AGPAT5: variants seen among roughly 807,000 people sequenced by gnomAD.
The protein encoded by AGPAT5 is 1-acylglycerol-3-phosphate O-acyltransferase 5, also known as 1-acyl-sn-glycerol-3-phosphate acyltransferase epsilon.
A neutral mutation model predicts 45.6 loss-of-function variants in AGPAT5; 46 were observed. The observed-to-expected ratio is 1.01, with a 90% confidence interval of 0.80 to 1.29. The LOEUF (loss-of-function observed/expected upper bound fraction) is 1.29, where lower values mean the gene tolerates loss of function less well. AGPAT5 is among the 50% of genes most tolerant of loss of function. AGPAT5 has a pLI of 0.00. For synonymous variants in AGPAT5, 272 were observed against 167.0 expected, an observed-to-expected ratio of 1.63 and a Z score of -4.85; for missense variants, 673 against 450.7, an observed-to-expected ratio of 1.49 and a Z score of -4.47.
intron 2 of AGPAT5, among the ~76,000 whole-genome samples, chr8:6,725,161 A>G (rs983416167): frequency 3.3e-5 from 5 of 152,232 alleles, no homozygotes; most frequent in Non-Finnish European, 1.5e-5. Flanking sequence ...GTTGGATGTA[A>G]GTAAGCTATC....
intron 1 of AGPAT5, among the ~76,000 whole-genome samples, chr8:6,716,781 C>G (rs932977088): frequency 2.6e-5 from 4 of 152,068 alleles, no homozygotes; most frequent in African/African-American, 4.8e-5. Flanking sequence ...TGTGGTAAGC[C>G]AAGATGGCAC....
At chr8:6,714,618 C>T (rs1800260781) in intron 1 of AGPAT5, among the ~76,000 whole-genome samples, 1 of 152,294 alleles carries the variant, frequency 6.6e-6, no homozygotes, top group South Asian at 2.1e-4. Flanking sequence ...TAAAGTTTCC[C>T]CTACTCCTAC....
intron 1 of AGPAT5, among the ~76,000 whole-genome samples, chr8:6,721,820 A>G (rs951371330): frequency 6.6e-6 from 1 of 152,154 alleles, no homozygotes; most frequent in Non-Finnish European, 1.5e-5. Flanking sequence ...TAGTATTTTT[A>G]CATGCACAGG....
intron 1 of AGPAT5, among the ~76,000 whole-genome samples, chr8:6,710,144 T>A (rs1265159391): frequency 6.6e-6 from 1 of 152,196 alleles, no homozygotes; most frequent in African/African-American, 2.4e-5. Context: ...AATAATTCTA[T>A]CTGTGGCGGG....
intron 3 of AGPAT5, 21 bp from the exon 4 acceptor site, chr8:6,732,540 C>G: frequency 6.4e-7 from 1 of 1,574,208 alleles, no homozygotes; most frequent in Non-Finnish European, 8.6e-7. Flanking sequence ...AATGCTCTTT[C>G]TCCCGATTTG....
intron 1 of AGPAT5, among the ~76,000 whole-genome samples, chr8:6,712,439 A>G (rs1355363790): frequency 6.6e-6 from 1 of 152,124 alleles, no homozygotes; most frequent in Non-Finnish European, 1.5e-5. Flanking sequence ...CTTCTAAGAC[A>G]ATTAATTATG....
intron 1 of AGPAT5, among the ~76,000 whole-genome samples, chr8:6,721,281 C>T (rs1800487988): frequency 6.6e-6 from 1 of 152,270 alleles, no homozygotes; most frequent in Non-Finnish European, 1.5e-5. Flanking sequence ...TAATTATAAA[C>T]ATTGTAAATT....
intron 1 of AGPAT5, among the ~76,000 whole-genome samples, chr8:6,710,370 T>C (rs922588221): frequency 2.6e-5 from 4 of 152,196 alleles, no homozygotes; most frequent in African/African-American, 9.6e-5. Flanking sequence ...CCCCCCACCG[T>C]CTGTTCAAAT....
At position 6,712,710 on chromosome 8, in the gene AGPAT5, T is replaced by C. The variant is rs76164789; in HGVS notation, c.219+3823T>C. Among the ~76,000 whole-genome samples the C allele has an allele frequency of 7.9e-5, 12 of 152,368 alleles. No homozygotes were observed. In the East Asian group the frequency reaches 1.2e-3, roughly 15 times the overall value. Reference sequence around the variant, plus strand: ...TCGTGAGTTAACGTGAAACTAGATTTATGTTAGTTTATAGCCTAGAATTCT... The same window carrying C: ...TCGTGAGTTAACGTGAAACTAGATTCATGTTAGTTTATAGCCTAGAATTCT... On this transcript the variant is annotated intron_variant, in intron 1 of 7. Transcript: ENST00000285518.
chr8:6,732,009 C>T (rs1331204120), intron 3 of AGPAT5, among the ~76,000 whole-genome samples: 2 of 152,206 alleles, frequency 1.3e-5, no homozygotes. Context: ...ACTCTGAGGC[C>T]CTTTTTTAAC....
intron 5 of AGPAT5, among the ~76,000 whole-genome samples, chr8:6,743,153 C>G (rs1460162965): frequency 3.3e-5 from 5 of 152,210 alleles, no homozygotes; most frequent in African/African-American, 4.8e-5. Context: ...TTCCTAGCCT[C>G]CTTTCCAGCC....
intron 4 of AGPAT5, among the ~76,000 whole-genome samples, chr8:6,734,600 C>G (rs751539367): frequency 4.6e-5 from 7 of 152,180 alleles, no homozygotes; most frequent in East Asian, 3.8e-4. Flanking sequence ...ATATCTGAGT[C>G]TGCAAATTTT....
intron 1 of AGPAT5, among the ~76,000 whole-genome samples, chr8:6,717,743 C>G (rs1481159707): frequency 6.6e-6 from 1 of 152,048 alleles, no homozygotes; most frequent in African/African-American, 2.4e-5. Flanking sequence ...GCATTGCTTC[C>G]GGGCTTAATT....
intron 5 of AGPAT5, among the ~76,000 whole-genome samples, chr8:6,746,936 G>A (rs1455582735): frequency 6.6e-6 from 1 of 152,070 alleles, no homozygotes; most frequent in African/African-American, 2.4e-5. Context: ...CTAATGAATG[G>A]GATTTGTTCT....
At chr8:6,741,626 C>T (rs1236514240) in intron 4 of AGPAT5, 35 bp from the exon 5 acceptor site, 9 of 1,492,028 alleles carry the variant, frequency 6.0e-6, no homozygotes, top group South Asian at 1.3e-5. Flanking sequence ...ACAAAGCTCA[C>T]ACAAAATAAA....
intron 5 of AGPAT5, among the ~76,000 whole-genome samples, chr8:6,746,636 G>A (rs1413948246): frequency 6.6e-6 from 1 of 151,996 alleles, no homozygotes; most frequent in Admixed American, 6.6e-5. Context: ...CCTGCCCTGG[G>A]GACTAAAGTC....
chr8:6,721,390 A>G (rs1800491973), intron 1 of AGPAT5, among the ~76,000 whole-genome samples: 1 of 152,260 alleles, frequency 6.6e-6, no homozygotes, highest in Non-Finnish European at 1.5e-5. Context: ...TCTCTTATCC[A>G]TTAATCACTT....
rs1355666871 is a variant in AGPAT5 at position 6,760,440 on chromosome 8, T to C, written c.*3052T>C. Among the ~76,000 whole-genome samples the C allele has an allele frequency of 6.6e-6, 1 of 152,130 alleles. No individual in the cohort carries two copies. Among genetic ancestry groups the C allele is most frequent in the Non-Finnish European group, 1.5e-5 (1 of 68,032 alleles). ...AATATAGAAATATAAAATTTGCTTA[T>C]TATAGACACACAGTAACTCCCAGAT... is the stretch of plus-strand genomic sequence containing the variant. On this transcript the variant is annotated 3_prime_UTR_variant, in exon 8 of 8. Coordinates refer to ENST00000285518, the MANE Select transcript of AGPAT5 (RefSeq NM_018361.5).
chr8:6,732,076 G>T (rs1431187951), intron 3 of AGPAT5, among the ~76,000 whole-genome samples: 2 of 152,162 alleles, frequency 1.3e-5, no homozygotes, highest in Non-Finnish European at 2.9e-5. Flanking sequence ...GGAACTATTA[G>T]GGCTTTAGTA....
Sources: allele counts gnomAD v4.1 joint callset (sites outside exome capture counted in the v4.1 genomes callset), GRCh38; gene constraint gnomAD v4.1.1; transcripts MANE v1.5; gene names NCBI Gene and HGNC (gene_info 2026-07-23, HGNC 2026-07-21).